The following DIAPH2 variants were observed in gnomAD, a reference collection of about 807,000 sequenced individuals.
DIAPH2 encodes the protein diaphanous related formin 2.
Under a neutral mutation model 92.7 loss-of-function variants are expected in DIAPH2, and 35 were observed. The ratio of observed to expected loss-of-function variants is 0.38; its 90% CI spans 0.29 to 0.50. DIAPH2 has a LOEUF of 0.50. Ranked by LOEUF, DIAPH2 falls within the 20% of genes least tolerant of loss-of-function variation. DIAPH2 has a pLI of 0.94. For missense variants in DIAPH2, 701 were observed against 819.5 expected (o/e 0.86, Z 1.77); for synonymous variants, 301 against 280.4 (o/e 1.07, Z -0.73).
chrX:96,954,730 A>G (rs1035829514), intron 15 of DIAPH2, among the ~76,000 whole-genome samples: 2 of 112,523 alleles, frequency 1.8e-5, no homozygotes, highest in African/African-American at 6.4e-5. Context: ...ATAATGCCCT[A>G]TCTGTATTAC....
rs192094925 is a variant in DIAPH2, at chrX:96,870,527, C to T, written c.448-11052C>T. ...TCCCGACCTCGTGATCCGCCCGCCT[C>T]GGCCTCCCAAAGTGCTGGGATTACA... On this transcript the variant is annotated intron_variant, in intron 4 of 26. Coordinates refer to ENST00000324765, the MANE Select transcript of DIAPH2 (RefSeq NM_006729.5). Among the ~76,000 whole-genome samples, 10 of 109,218 alleles carry T rather than the reference C, an allele frequency of 9.2e-5. No individual in the cohort carries two copies. In the East Asian group the frequency reaches 2.6e-3, roughly 28 times the overall value. 94.8% of individuals were successfully genotyped at this position (109,218 alleles called of 115,157 possible). A position where few individuals can be genotyped will look rare whatever the true frequency, so the allele number is the denominator to read the frequency against.
chrX:97,552,777 C>T (rs144551688), intron 26 of DIAPH2, among the ~76,000 whole-genome samples: 1,250 of 111,836 alleles, frequency 0.011, 20 homozygotes, highest in African/African-American at 0.039. Flanking sequence ...GTTATTACTA[C>T]GTGTATTAGT....
intron 26 of DIAPH2, among the ~76,000 whole-genome samples, chrX:97,470,573 A>G (rs1232619522): frequency 2.7e-5 from 3 of 110,528 alleles, no homozygotes; most frequent in African/African-American, 9.9e-5. Flanking sequence ...GAAATATAAA[A>G]TTGATATTAT....
intron 15 of DIAPH2, among the ~76,000 whole-genome samples, chrX:96,956,877 G>A (rs1268653536): frequency 8.9e-6 from 1 of 112,462 alleles, no homozygotes; most frequent in East Asian, 2.8e-4. Context: ...CTGTTACCCA[G>A]TTCTAAAGTT....
Position 97,413,556 on chromosome X carries a change from C to T in DIAPH2, c.3146-16094C>T, listed in dbSNP as rs186518355. Among the ~76,000 whole-genome samples, 33 of 110,602 alleles carry T rather than the reference C, an allele frequency of 3.0e-4. 1 individual carries two copies. Among genetic ancestry groups the T allele is most frequent in the African/African-American group, 9.6e-4 (29 of 30,356 alleles). ...ATAGTGTTGGAAGTTCTGGCCAGGG[C>T]AATCAGACGAGAAAGAAAAAAGGGG... On this transcript the variant is annotated intron_variant, in intron 25 of 26. Coordinates refer to ENST00000324765, the MANE Select transcript of DIAPH2 (RefSeq NM_006729.5).
chrX:97,244,162 A>G (rs142581868), intron 22 of DIAPH2, among the ~76,000 whole-genome samples: 1,513 of 112,308 alleles, frequency 0.013, 13 homozygotes, highest in Non-Finnish European at 0.021. Flanking sequence ...ATAGAGGACT[A>G]AAGATTATAC....
intron 4 of DIAPH2, among the ~76,000 whole-genome samples, chrX:96,830,307 C>T (rs951102866): frequency 1.8e-5 from 2 of 110,754 alleles, no homozygotes; most frequent in Admixed American, 1.9e-4. Flanking sequence ...CGTGGTGGCT[C>T]ACGCCTGTAA....
intron 4 of DIAPH2, among the ~76,000 whole-genome samples, chrX:96,816,135 A>G (rs1325945154): frequency 8.9e-6 from 1 of 112,559 alleles, no homozygotes; most frequent in Admixed American, 9.4e-5. Flanking sequence ...ATGTTCACTC[A>G]TGCTTTAGCA....
intron 4 of DIAPH2, among the ~76,000 whole-genome samples, chrX:96,770,271 C>T (rs1256726337): frequency 9.0e-6 from 1 of 110,567 alleles, no homozygotes; most frequent in Non-Finnish European, 1.9e-5. Flanking sequence ...GTATTACTTA[C>T]TATAAGCTGC....
At chrX:97,040,117 G>A (rs7884358) in intron 17 of DIAPH2, among the ~76,000 whole-genome samples, 53,030 of 108,458 alleles carry the variant, frequency 0.49, 9,545 homozygotes, top group African/African-American at 0.56. Flanking sequence ...TTATTGTGTG[G>A]TTCTTTTTTG....
intron 3 of DIAPH2, among the ~76,000 whole-genome samples, chrX:96,748,828 C>A (rs1054217497): frequency 9.0e-6 from 1 of 111,167 alleles, no homozygotes; most frequent in Non-Finnish European, 1.9e-5. Flanking sequence ...TTTGTATATC[C>A]TGCTGACTAA....
At chrX:96,941,907 A>T in intron 12 of DIAPH2, 111 bp from the exon 13 acceptor site, 7 of 480,551 alleles carry the variant, frequency 1.5e-5, no homozygotes, top group Non-Finnish European at 3.6e-6. Flanking sequence ...AGGATTTTTT[A>T]AAACAACTCC....
At chrX:97,207,395 A>G (rs954119561) in intron 22 of DIAPH2, among the ~76,000 whole-genome samples, 1 of 112,080 alleles carries the variant, frequency 8.9e-6, no homozygotes, top group African/African-American at 3.2e-5. Flanking sequence ...CGTTTGTAAC[A>G]ACAGTAATCG....
chrX:97,149,686 G>A (rs1480581332), intron 22 of DIAPH2, among the ~76,000 whole-genome samples: 1 of 80,700 alleles, frequency 1.2e-5, no homozygotes. Flanking sequence ...AGCCGAGATC[G>A]CGCCACCGCA....
At chrX:97,143,954 G>C (rs745954227) in intron 22 of DIAPH2, among the ~76,000 whole-genome samples, 8 of 112,091 alleles carry the variant, frequency 7.1e-5, no homozygotes, top group Non-Finnish European at 1.3e-4. Context: ...TGGTCTCATA[G>C]AGATAGAGCG....
At chrX:96,961,650 C>T (rs945577389) in intron 16 of DIAPH2, among the ~76,000 whole-genome samples, 6 of 109,316 alleles carry the variant, frequency 5.5e-5, no homozygotes, top group Non-Finnish European at 7.6e-5. Flanking sequence ...TCCATTTTTT[C>T]GAAGTAGTTG....
intron 26 of DIAPH2, among the ~76,000 whole-genome samples, chrX:97,589,310 C>CCAT (rs1438190017): frequency 4.6e-5 from 2 of 43,505 alleles, no homozygotes; most frequent in Non-Finnish European, 4.5e-5. Context: ...GAGAGAGACT[C>CCAT]CATCTCAAAA....
intron 26 of DIAPH2, among the ~76,000 whole-genome samples, chrX:97,515,184 C>G (rs906497190): frequency 4.1e-4 from 46 of 112,483 alleles, no homozygotes; most frequent in Non-Finnish European, 7.5e-4. Flanking sequence ...TAGGACCCTC[C>G]GAGCCAGGTG....
At chrX:97,509,246 C>T (rs1232900689) in intron 26 of DIAPH2, among the ~76,000 whole-genome samples, 2 of 108,523 alleles carry the variant, frequency 1.8e-5, no homozygotes, top group African/African-American at 3.3e-5. Flanking sequence ...GGAGTTTCAC[C>T]GTGTTGACGA....
Sources: allele counts gnomAD v4.1 joint callset (sites outside exome capture counted in the v4.1 genomes callset), GRCh38; gene constraint gnomAD v4.1.1; transcripts MANE v1.5; gene names NCBI Gene and HGNC (gene_info 2026-07-23, HGNC 2026-07-21).